CHKA: variants seen among roughly 807,000 people sequenced by gnomAD.
CHKA encodes the protein CHETK-alpha.
In CHKA, 34 loss-of-function variants were observed where a neutral mutation model predicts 60.1. That is an observed-to-expected ratio of 0.57 (90% CI 0.43 to 0.75). CHKA has a LOEUF of 0.75. Ranked by LOEUF, CHKA falls within the 30% of genes least tolerant of loss-of-function variation. The pLI is 0.00. For synonymous variants in CHKA, 217 were observed against 223.1 expected (o/e 0.97, Z 0.24); for missense variants, 563 against 561.3 (o/e 1.00, Z -0.03).
intron 11 of CHKA, among the ~76,000 whole-genome samples, chr11:68,059,515 A>T (rs1403604318): frequency 6.6e-6 from 1 of 152,238 alleles, no homozygotes; most frequent in Non-Finnish European, 1.5e-5. Flanking sequence ...CTTATGGAAT[A>T]TAAACATTTA....
chr11:68,071,125 T>C (rs1352581273), intron 4 of CHKA, among the ~76,000 whole-genome samples: 1 of 152,228 alleles, frequency 6.6e-6, no homozygotes, highest in Middle Eastern at 3.2e-3. Context: ...TTAAATTTTA[T>C]TGAACTACTA....
At chr11:68,111,170 G>A (rs553983484) in intron 1 of CHKA, among the ~76,000 whole-genome samples, 139 of 152,102 alleles carry the variant, frequency 9.1e-4, no homozygotes, top group African/African-American at 3.3e-3. Flanking sequence ...CCAGCACTTT[G>A]GGAGGCCGAG....
In CHKA at chr11:68,074,877, G is replaced by A. The variant is rs1027426731; in HGVS notation, c.517-47C>T. ...CAGGTGTTTACTGAGTGTTTGCTAA[G>A]CGCCAGGCATCAGAAGCACTCTCAC... On this transcript the variant is annotated intron_variant, in intron 3 of 11. Coordinates refer to ENST00000265689, the MANE Select transcript of CHKA (RefSeq NM_001277.3). The A allele has an allele frequency of 5.1e-6, 8 of 1,579,770 alleles. No homozygotes were observed. In the Admixed American group the frequency reaches 1.2e-4, roughly 23 times the overall value.
At chr11:68,089,634 A>G (rs545476187) in intron 2 of CHKA, among the ~76,000 whole-genome samples, 7 of 152,316 alleles carry the variant, frequency 4.6e-5, no homozygotes, top group African/African-American at 1.7e-4. Flanking sequence ...AATAAGTGAT[A>G]TATTTATTAC....
At chr11:68,104,364 T>C (rs748182406) in intron 1 of CHKA, among the ~76,000 whole-genome samples, 10 of 152,136 alleles carry the variant, frequency 6.6e-5, no homozygotes, top group Non-Finnish European at 1.5e-4. Flanking sequence ...ACTGGTACAA[T>C]ATTATAGTCA....
chr11:68,088,216 C>T (rs763674069), intron 2 of CHKA, among the ~76,000 whole-genome samples: 1 of 150,130 alleles, frequency 6.7e-6, no homozygotes, highest in African/African-American at 2.4e-5. Flanking sequence ...ATCCATCTTT[C>T]TACTAATCTG....
At chr11:68,054,119 T>C in intron 11 of CHKA, 72 bp from the exon 12 acceptor site, 1 of 1,319,930 alleles carries the variant, frequency 7.6e-7, no homozygotes, top group South Asian at 1.2e-5. Context: ...TGTCCCCCAA[T>C]CCCCACCCCA....
At chr11:68,106,914 C>T (rs533680779) in intron 1 of CHKA, among the ~76,000 whole-genome samples, 134 of 152,256 alleles carry the variant, frequency 8.8e-4, no homozygotes, top group Admixed American at 1.5e-3. Context: ...ACACTGCCCT[C>T]TATTCACTAG....
chr11:68,096,861 A>G (rs1857530502), intron 2 of CHKA, among the ~76,000 whole-genome samples, 158 bp downstream of exon 2: 1 of 152,250 alleles, frequency 6.6e-6, no homozygotes, highest in African/African-American at 2.4e-5. Flanking sequence ...ATGCAAACCA[A>G]GCTGTGCAGC....
intron 2 of CHKA, among the ~76,000 whole-genome samples, chr11:68,090,078 A>C (rs559589578): frequency 6.6e-6 from 1 of 152,326 alleles, no homozygotes; most frequent in South Asian, 2.1e-4. Flanking sequence ...AGACACTCTG[A>C]ATATGTAAAA....
At chr11:68,096,087 G>A (rs981840659) in intron 2 of CHKA, among the ~76,000 whole-genome samples, 1 of 151,744 alleles carries the variant, frequency 6.6e-6, no homozygotes, top group Non-Finnish European at 1.5e-5. Context: ...AACCTGGCCG[G>A]GTGCGGTGGC....
chr11:68,054,077 A>C (rs1855904541), intron 11 of CHKA, 30 bp from the exon 12 acceptor site: 3 of 1,596,838 alleles, frequency 1.9e-6, no homozygotes, highest in Middle Eastern at 1.7e-4. Flanking sequence ...AGGCCTCAGC[A>C]AGGAATCCTG....
intron 11 of CHKA, among the ~76,000 whole-genome samples, chr11:68,058,097 G>C (rs1328153910): frequency 2.0e-5 from 3 of 152,064 alleles, no homozygotes. Context: ...TTGCTATGCT[G>C]CCCAGGCTGG....
At chr11:68,106,303 C>T (rs1407150420) in intron 1 of CHKA, among the ~76,000 whole-genome samples, 1 of 152,190 alleles carries the variant, frequency 6.6e-6, no homozygotes, top group Non-Finnish European at 1.5e-5. Context: ...TCAATCTCAA[C>T]ACTTCAGGAG....
intron 3 of CHKA, among the ~76,000 whole-genome samples, chr11:68,076,538 C>T (rs762480157): frequency 1.3e-5 from 2 of 152,246 alleles, no homozygotes; most frequent in Admixed American, 6.5e-5. Context: ...GGGGGCAGCA[C>T]GGTCCTGGTG....
At position 68,068,947 on chromosome 11, in the gene CHKA, A is replaced by C; in HGVS notation, c.870-10T>G. 5 of 1,608,604 alleles carry C rather than the reference A, an allele frequency of 3.1e-6. No homozygotes were observed. In the South Asian group the frequency reaches 4.4e-5, roughly 14 times the overall value. On this transcript the variant is annotated splice_polypyrimidine_tract_variant and intron_variant, in intron 6 of 11. Transcript: ENST00000265689. ...AGATTCAAGCAATGATCTGAAAAGA[A>C]AGGTTTCACTGTTACCCATCACGCT...
chr11:68,101,558 G>C (rs771959260), intron 1 of CHKA, among the ~76,000 whole-genome samples: 3 of 151,960 alleles, frequency 2.0e-5, no homozygotes, highest in Non-Finnish European at 4.4e-5. Flanking sequence ...AGGAGGTCAA[G>C]GCTGGAGTGA....
chr11:68,064,490 G>C (rs1856373276), intron 10 of CHKA, 35 bp downstream of exon 10: 1 of 1,069,376 alleles, frequency 9.4e-7, no homozygotes, highest in African/African-American at 1.6e-5. Flanking sequence ...AAAGAGGAAA[G>C]CTATCTTTAC....
Position 68,053,487 on chromosome 11 carries a change from C to T in CHKA, c.*501G>A, listed in dbSNP as rs1469779927. Reference sequence around the variant, plus strand: ...TCTGGAGGCCCCAGGCAGAGGCCACCTTGCAGCAGTGACTGGCGACTTTGC... The same window carrying T: ...TCTGGAGGCCCCAGGCAGAGGCCACTTTGCAGCAGTGACTGGCGACTTTGC... On this transcript the variant is annotated 3_prime_UTR_variant, in exon 12 of 12. Coordinates refer to ENST00000265689, the MANE Select transcript of CHKA (RefSeq NM_001277.3). 2.6e-5 allele frequency: 4 copies of T among 152,922 alleles called. No individual in the cohort carries two copies. The highest frequency in any genetic ancestry group is 9.6e-5 in the African/African-American group (4 of 41,462). 9.5% of individuals were successfully genotyped at this position (152,922 alleles called of 1,614,324 possible).
Sources: gnomAD v4.1 joint callset for allele counts (sites outside exome capture counted in the v4.1 genomes callset) on GRCh38, gnomAD v4.1.1 for gene constraint, MANE v1.5 for transcripts, NCBI Gene and HGNC (gene_info 2026-07-23, HGNC 2026-07-21) for gene names.